Variants in PDYN observed in about 807,000 individuals in gnomAD.
PDYN encodes the protein prodynorphin.
In PDYN, 5 loss-of-function variants were observed where a neutral mutation model predicts 11.4. The observed-to-expected ratio is 0.44, with a 90% confidence interval of 0.23 to 0.92. The LOEUF is 0.92. Among genes scored for constraint, PDYN ranks in the 40% least tolerant of loss-of-function variants. PDYN has a pLI of 0.24. For synonymous variants in PDYN, 132 were observed against 129.5 expected (o/e 1.02, Z -0.13); for missense variants, 337 against 317.3 (o/e 1.06, Z -0.47).
chr20:1,987,884 A>G (rs1283703833), intron 2 of PDYN, among the ~76,000 whole-genome samples: 1 of 152,176 alleles, frequency 6.6e-6, no homozygotes, highest in African/African-American at 2.4e-5. Flanking sequence ...TGCTTTGGAG[A>G]GGGGAGTATG....
At chr20:1,992,056 A>T (rs1039075969) in intron 2 of PDYN, among the ~76,000 whole-genome samples, 1 of 152,230 alleles carries the variant, frequency 6.6e-6, no homozygotes. Context: ...CTGAGCAGTC[A>T]TGCCAGTATT....
chr20:1,989,513 C>T, intron 2 of PDYN, among the ~76,000 whole-genome samples: 1 of 152,170 alleles, frequency 6.6e-6, no homozygotes, highest in East Asian at 1.9e-4. Flanking sequence ...GCCCAGAGTT[C>T]CTTGAAAGGG....
chr20:1,981,492 A>G (rs1469116338), intron 3 of PDYN, among the ~76,000 whole-genome samples: 2 of 152,138 alleles, frequency 1.3e-5, no homozygotes, highest in African/African-American at 4.8e-5. Context: ...TGACGATGAC[A>G]ATAGCAAAGA....
chr20:1,983,901 G>A (rs1454541894), intron 2 of PDYN, among the ~76,000 whole-genome samples: 1 of 152,166 alleles, frequency 6.6e-6, no homozygotes, highest in Non-Finnish European at 1.5e-5. Context: ...AATGCATCAG[G>A]CTCTGACCCA....
chr20:1,985,164 C>T (rs1367332454), intron 2 of PDYN, among the ~76,000 whole-genome samples: 3 of 152,122 alleles, frequency 2.0e-5, no homozygotes, highest in Non-Finnish European at 4.4e-5. Context: ...CTCAGGTGCT[C>T]AGAGTGTTTT....
intron 2 of PDYN, among the ~76,000 whole-genome samples, chr20:1,992,115 A>G (rs8123727): frequency 0.34 from 51,538 of 151,974 alleles, 9,997 homozygotes; most frequent in East Asian, 0.84. Context: ...CCCATTGGAG[A>G]CTTGCAATAA....
intron 2 of PDYN, among the ~76,000 whole-genome samples, chr20:1,989,004 C>T (rs1465497189): frequency 6.6e-6 from 1 of 152,176 alleles, no homozygotes; most frequent in African/African-American, 2.4e-5. Context: ...GAAACAGAGA[C>T]TGTAGGGCCA....
At chr20:1,993,043 G>A (rs1169825453) in intron 1 of PDYN, among the ~76,000 whole-genome samples, 2 of 141,170 alleles carry the variant, frequency 1.4e-5, no homozygotes, top group Admixed American at 1.4e-4. Flanking sequence ...CCTTGGAGTA[G>A]TCAGCAGGCT....
Position 1,981,016 on chromosome 20 carries a change from G to T in PDYN, c.130-58C>A, listed in dbSNP as rs1335231793. The T allele has an allele frequency of 2.6e-5, 41 of 1,596,452 alleles. No homozygotes were observed. The South Asian group carries it at 3.4e-4, about 13-fold the overall frequency. ...ATGATCAAAACACATGCACTGGTCT[G>T]CCCCAGGCTCCCCTGTCCAGTGTCT... On this transcript the variant is annotated intron_variant, in intron 3 of 3. Transcript: ENST00000217305.
At chr20:1,988,979 G>A (rs1458260158) in intron 2 of PDYN, among the ~76,000 whole-genome samples, 2 of 152,158 alleles carry the variant, frequency 1.3e-5, no homozygotes, top group Non-Finnish European at 2.9e-5. Flanking sequence ...TGCTGCAAAA[G>A]CTGAGTTAAT....
intron 2 of PDYN, among the ~76,000 whole-genome samples, chr20:1,991,967 A>G (rs1213818179): frequency 6.6e-6 from 1 of 152,192 alleles, no homozygotes; most frequent in Non-Finnish European, 1.5e-5. Flanking sequence ...AGCACACAGC[A>G]TGATGGAGTG....
intron 2 of PDYN, among the ~76,000 whole-genome samples, chr20:1,984,273 C>T (rs1159587012): frequency 1.3e-5 from 2 of 152,152 alleles, no homozygotes; most frequent in African/African-American, 4.8e-5. Context: ...TCACTAGTTC[C>T]TTCTTTGTCA....
chr20:1,993,268 G>C (rs1988529064), intron 1 of PDYN, among the ~76,000 whole-genome samples: 1 of 152,048 alleles, frequency 6.6e-6, no homozygotes, highest in South Asian at 2.1e-4. Flanking sequence ...TGCTAAGCCT[G>C]GGCCTCCTGG....
intron 1 of PDYN, among the ~76,000 whole-genome samples, chr20:1,993,499 C>T (rs754445202): frequency 6.6e-6 from 1 of 152,212 alleles, no homozygotes; most frequent in Non-Finnish European, 1.5e-5. Context: ...AGCCATTGTT[C>T]TCTAAGTCCA....
At chr20:1,986,022 A>G (rs1988163954) in intron 2 of PDYN, among the ~76,000 whole-genome samples, 1 of 152,196 alleles carries the variant, frequency 6.6e-6, no homozygotes, top group Admixed American at 6.5e-5. Flanking sequence ...TCAGGCAAAA[A>G]CAGCATTGGC....
intron 2 of PDYN, among the ~76,000 whole-genome samples, chr20:1,987,278 TGG>T (rs1452021777): frequency 6.7e-6 from 1 of 150,364 alleles, no homozygotes; most frequent in East Asian, 2.0e-4. Context: ...AATGAATGAA[TGG>T]TGTCCCAGTA....
At chr20:1,992,163 A>G (rs1012060327) in intron 2 of PDYN, among the ~76,000 whole-genome samples, 2 of 152,186 alleles carry the variant, frequency 1.3e-5, no homozygotes, top group Non-Finnish European at 2.9e-5. Context: ...CTCATCATAC[A>G]GGTAAAGAAA....
chr20:1,982,735 T>C (rs1197028664), intron 3 of PDYN, among the ~76,000 whole-genome samples: 1 of 152,174 alleles, frequency 6.6e-6, no homozygotes, highest in African/African-American at 2.4e-5. Context: ...CCTGAGTCTC[T>C]TGTCCTGGCC....
chr20:1,981,231 T>C (rs1047196683), intron 3 of PDYN, among the ~76,000 whole-genome samples: 2 of 152,158 alleles, frequency 1.3e-5, no homozygotes, highest in Non-Finnish European at 2.9e-5. Context: ...GATCTTCCCG[T>C]AGTGTTCTGC....
Sources: gnomAD v4.1 joint callset for allele counts (sites outside exome capture counted in the v4.1 genomes callset) on GRCh38, gnomAD v4.1.1 for gene constraint, MANE v1.5 for transcripts, NCBI Gene and HGNC (gene_info 2026-07-23, HGNC 2026-07-21) for gene names.